ITGA2B: variants seen among roughly 807,000 people sequenced by gnomAD.
ITGA2B encodes integrin subunit alpha 2b.
In ITGA2B, 91 loss-of-function variants were observed where a neutral mutation model predicts 142.0. The ratio of observed to expected loss-of-function variants is 0.64; its 90% CI spans 0.54 to 0.76. ITGA2B has a LOEUF of 0.76. ITGA2B is among the 30% of genes least tolerant of loss of function. The probability of loss-of-function intolerance (pLI) is 0.00; values close to 1 mark genes in which losing one functional copy is unlikely to be tolerated. For missense variants in ITGA2B, 1,231 were observed against 1,350.8 expected, an observed-to-expected ratio of 0.91 and a Z score of 1.39; for synonymous variants, 536 against 567.2, an observed-to-expected ratio of 0.94 and a Z score of 0.78.
At chr17:44,377,192 CT>C in intron 21 of ITGA2B, 104 bp from the exon 22 acceptor site, 1 of 835,336 alleles carries the variant, frequency 1.2e-6, no homozygotes, top group Non-Finnish European at 1.9e-6. Context: ...CACCACTATT[CT>C]TTTTCTTTTT....
At chr17:44,387,415 C>T (rs1262150075) in intron 1 of ITGA2B, among the ~76,000 whole-genome samples, 3 of 151,844 alleles carry the variant, frequency 2.0e-5, no homozygotes, top group East Asian at 3.9e-4. Flanking sequence ...CCCAGCTACT[C>T]GGGAGGCTGA....
rs763618505 is a variant in ITGA2B at position 44,374,752 on chromosome 17, C to T, written c.2850G>A (p.Leu950=). 7.4e-5 allele frequency: 119 copies of T among 1,613,854 alleles called. No individual in the cohort carries two copies. The highest frequency in any genetic ancestry group is 9.4e-5 in the Non-Finnish European group (111 of 1,179,950). ...CGTGCGACTGCAGCACAAACTGATC[C>T]AGAGGCCTCTGGACAGGTTGGGGTT... ...LWLPSLYQRP[L]DQFVLQSHAW... is the part of the protein sequence containing the mutation. The change falls in exon 28 of 30, where the codon CTG becomes CTA. Residue 950 remains leucine (L), a synonymous_variant. Coordinates refer to ENST00000262407, the MANE Select transcript of ITGA2B (RefSeq NM_000419.5).
In ITGA2B at chr17:44,378,678, G is replaced by T; in HGVS notation, c.1911C>A (p.Asp637Glu). 1 of 1,560,614 alleles carries T rather than the reference G, an allele frequency of 6.4e-7. No individual in the cohort carries two copies. Among genetic ancestry groups the T allele is most frequent in the Non-Finnish European group, 8.7e-7 (1 of 1,151,750 alleles). Residue 637 changes from aspartate to glutamate, a missense_variant, in exon 19 of 30, where the codon GAC becomes GAA. By Grantham distance (45) the Asp-to-Glu change is conservative. Around this residue, in one of 3 missense-constraint regions of ITGA2B, gnomAD observed 908 missense variants for 1,021.1 expected, o/e 0.89. Coordinates refer to ENST00000262407, the MANE Select transcript of ITGA2B (RefSeq NM_000419.5). ...TGAGCTGAAGCTGGGGCACACATAC[G>T]TCATCTTCCCCACAGTCCAGGACGA... The part of the protein sequence containing the change: ...TRIVLDCGED[D>E]VCVPQLQLTA...
At chr17:44,388,862 T>C (rs542523133) in intron 1 of ITGA2B, among the ~76,000 whole-genome samples, 2 of 147,850 alleles carry the variant, frequency 1.4e-5, no homozygotes, top group South Asian at 4.4e-4. Flanking sequence ...ACGGGGTTTC[T>C]CCATGTTGGT....
At chr17:44,375,260 C>T in intron 26 of ITGA2B, 149 bp from the exon 27 acceptor site, 4 of 716,284 alleles carry the variant, frequency 5.6e-6, no homozygotes, top group Non-Finnish European at 9.8e-6. Flanking sequence ...ATCCAAGCTT[C>T]GGATGCTGTC....
At position 44,383,694 on chromosome 17, in the gene ITGA2B, G is replaced by T; in HGVS notation, c.1009C>A (p.Leu337Met). 1 of 1,578,190 alleles carries T rather than the reference G, an allele frequency of 6.3e-7. No homozygotes were observed. The highest frequency in any genetic ancestry group is 1.3e-5 in the African/African-American group (1 of 74,206). Residue 337 changes from leucine (L) to methionine (M), a missense_variant, in exon 12 of 30, where the codon CTG becomes ATG. By Grantham distance (15) the Leu-to-Met change is conservative. This residue lies in a region of ITGA2B where 908 missense variants were observed against 1,021.1 expected (regional missense o/e 0.89). Transcript: ENST00000262407. ...ATATACAGTGGAGCGCCCACCAGCA[G>T]ATCATGCCTCCTGTGGGCCAGATGA... ...TDVNGDGRHD[L>M]LVGAPLYMES...
At position 44,386,189 on chromosome 17, in the gene ITGA2B, G is replaced by T. The variant is rs900850181; in HGVS notation, c.189-58C>A. 1.2e-5 allele frequency: 18 copies of T among 1,541,790 alleles called. No homozygotes were observed. The Admixed American group carries it at 1.2e-4, about 10-fold the overall frequency. On this transcript the variant is annotated intron_variant, in intron 1 of 29. Coordinates refer to ENST00000262407, the MANE Select transcript of ITGA2B (RefSeq NM_000419.5). ...ATTCCAGCGTATCCCAGGCCCTGGCGCCGGCGCTGGGAGCACTGCCCGGAA... is the reference window on the plus strand; with the variant it reads ...ATTCCAGCGTATCCCAGGCCCTGGCTCCGGCGCTGGGAGCACTGCCCGGAA...
intron 1 of ITGA2B, among the ~76,000 whole-genome samples, chr17:44,388,818 C>CTTTTTTTTTTTTTTTT (rs758076614): frequency 1.5e-5 from 2 of 132,200 alleles, no homozygotes; most frequent in Non-Finnish European, 3.2e-5. Flanking sequence ...TGCCTGGTCT[C>CTTTTTTTTTTTTTTTT]TTTTTTTTTT....
intron 29 of ITGA2B, among the ~76,000 whole-genome samples, chr17:44,373,481 T>C (rs1245219069): frequency 1.3e-5 from 2 of 152,188 alleles, no homozygotes; most frequent in Non-Finnish European, 2.9e-5. Flanking sequence ...GACTCGAGCA[T>C]ATGATGATAT....
At chr17:44,374,912 C>A in intron 27 of ITGA2B, 86 bp downstream of exon 27, 1 of 1,307,202 alleles carries the variant, frequency 7.6e-7, no homozygotes, top group Non-Finnish European at 1.1e-6. Flanking sequence ...TCTCTTCCTG[C>A]CCTCCCACAC....
intron 12 of ITGA2B, among the ~76,000 whole-genome samples, chr17:44,382,702 A>G (rs772157592): frequency 5.3e-5 from 8 of 151,936 alleles, no homozygotes; most frequent in Non-Finnish European, 1.0e-4. Context: ...AAGCCCATGA[A>G]TATTTCTCCA....
chr17:44,375,630 C>T lies in ITGA2B; in HGVS notation c.2688G>A (p.Glu896=). ...KRDRRQIFLP[E]PEQPSRLQDP... is the part of the protein sequence containing the mutation. The stretch of plus-strand genomic sequence containing the variant: ...CCTGAAGCCTCGAGGGCTGCTCGGG[C>T]TCTGGCAGGAAGATCTGTCTGCGAT... Residue 896 remains glutamate (E), a synonymous_variant, in exon 26 of 30, where the codon GAG becomes GAA. Transcript: ENST00000262407. 1 of 1,613,774 alleles carries T rather than the reference C, an allele frequency of 6.2e-7. No individual in the cohort carries two copies. The highest frequency in any genetic ancestry group is 1.3e-5 in the African/African-American group (1 of 75,040).
chr17:44,380,927 C>T lies in ITGA2B; in HGVS notation c.1345G>A (p.Gly449Ser), dbSNP rs1373620257. Reference sequence around the variant, plus strand: ...TCTACGGCACCTCGAAGGGAGAAGCCAAAGGCAGAGCCTGTGGGGAAGGGG... The same window carrying T: ...TCTACGGCACCTCGAAGGGAGAAGCTAAAGGCAGAGCCTGTGGGGAAGGGG... ...DSPFPTGSAF[G>S]FSLRGAVDID... Residue 449 changes from glycine (G) to serine (S), a missense_variant, in exon 13 of 30, where the codon GGC becomes AGC. Transcript: ENST00000262407. The T allele has an allele frequency of 6.2e-7, 1 of 1,614,248 alleles. No homozygotes were observed.
Position 44,385,221 on chromosome 17 carries a change from G to A in ITGA2B, c.625-12C>T. On this transcript the variant is annotated splice_polypyrimidine_tract_variant and intron_variant, in intron 5 of 29. Transcript: ENST00000262407. ...ACCAGCTCTCCGGCCTGGAAGGGAA[G>A]TCCTGAGGGTGAGAGGGGGCCCTGT... is the stretch of plus-strand genomic sequence containing the variant. The A allele has an allele frequency of 6.2e-7, 1 of 1,614,020 alleles. No individual in the cohort carries two copies. The highest frequency in any genetic ancestry group is 1.3e-5 in the African/African-American group (1 of 75,064).
intron 26 of ITGA2B, 58 bp downstream of exon 26, chr17:44,375,533 T>A: frequency 1.3e-6 from 2 of 1,595,274 alleles, no homozygotes; most frequent in Admixed American, 1.7e-5. Flanking sequence ...CCTCCTCCCA[T>A]CCCCTCTGCC....
At chr17:44,386,172 G>A in intron 1 of ITGA2B, 41 bp from the exon 2 acceptor site, 8 of 1,554,804 alleles carry the variant, frequency 5.1e-6, no homozygotes, top group Non-Finnish European at 6.9e-6. Flanking sequence ...AGATTCCAGC[G>A]TATCCCAGGC....
intron 4 of ITGA2B, 74 bp from the exon 5 acceptor site, chr17:44,385,409 G>T (rs1444457066): frequency 6.4e-7 from 1 of 1,554,230 alleles, no homozygotes; most frequent in Non-Finnish European, 8.7e-7. Context: ...AGGGCTGGGG[G>T]ACAGGGGCGG....
At position 44,380,135 on chromosome 17, in the gene ITGA2B, T is replaced by C; in HGVS notation, c.1619A>G (p.Gln540Arg). Residue 540 changes from glutamine to arginine, a missense_variant, in exon 17 of 30, where the codon CAG (glutamine) becomes CGG (arginine). Coordinates refer to ENST00000262407, the MANE Select transcript of ITGA2B (RefSeq NM_000419.5). ...PQKLSLNAEL[Q>R]LDRQKPRQGR... Reference sequence around the variant, plus strand: ...CTGGCGGGGCTTCTGCCGGTCCAGCTGCAGCTCGGCATTTAGGGCTGGCAG... The same window carrying C: ...CTGGCGGGGCTTCTGCCGGTCCAGCCGCAGCTCGGCATTTAGGGCTGGCAG... 6.2e-7 allele frequency: 1 copy of C among 1,613,822 alleles called. No individual in the cohort carries two copies.
In ITGA2B at chr17:44,374,427, G is replaced by T. The variant is rs1425470149; in HGVS notation, c.2987C>A (p.Pro996Gln). 1 of 1,614,146 alleles carries T rather than the reference G, an allele frequency of 6.2e-7. No homozygotes were observed. The highest frequency in any genetic ancestry group is 8.5e-7 in the Non-Finnish European group (1 of 1,180,014). Residue 996 changes from proline (P) to glutamine (Q), a missense_variant, in exon 29 of 30, where the codon CCA (proline) becomes CAA (glutamine). Coordinates refer to ENST00000262407, the MANE Select transcript of ITGA2B (RefSeq NM_000419.5). ...CACACCCACCAGCACCCACCAGATT[G>T]GAATGGCCCTCTCCTCCAAGGCCCG... Reference protein sequence around the residue: ...LLRALEERAIPIWWVLVGVLG... With the variant: ...LLRALEERAIQIWWVLVGVLG...
Sources: gnomAD v4.1 joint callset for allele counts (sites outside exome capture counted in the v4.1 genomes callset) on GRCh38, gnomAD v4.1.1 for gene constraint, gnomAD v4.1.1 regional missense constraint, MANE v1.5 for transcripts, NCBI Gene and HGNC (gene_info 2026-07-23, HGNC 2026-07-21) for gene names.